TECR: variants seen among roughly 807,000 people sequenced by gnomAD.
TECR encodes very-long-chain enoyl-CoA reductase.
In TECR, 19 loss-of-function variants were observed where a neutral mutation model predicts 50.6. The ratio of observed to expected loss-of-function variants is 0.38; its 90% confidence interval spans 0.26 to 0.55. The LOEUF is 0.55. TECR is among the 20% of genes least tolerant of loss of function. The pLI, the probability that TECR is intolerant of heterozygous loss-of-function variation, is 0.79. For missense variants in TECR, 313 were observed against 408.3 expected (o/e 0.77, Z 2.01); for synonymous variants, 168 against 163.5 (o/e 1.03, Z -0.21).
intron 12 of TECR, 22 bp downstream of exon 12, chr19:14,565,685 G>T (rs750959298): frequency 5.0e-6 from 8 of 1,611,618 alleles, no homozygotes; most frequent in South Asian, 1.1e-5. Flanking sequence ...GCCCTCCCTC[G>T]GCGGGGCCCT....
intron 1 of TECR, among the ~76,000 whole-genome samples, chr19:14,533,504 T>G (rs1399493419): frequency 6.6e-6 from 1 of 152,112 alleles, no homozygotes; most frequent in Non-Finnish European, 1.5e-5. Flanking sequence ...CACTGAAAGG[T>G]TGGCCCCTGG....
At position 14,562,551 on chromosome 19, in the gene TECR, G is replaced by A. The variant is rs1347733646; in HGVS notation, c.42G>A (p.Arg14=). Residue 14 remains arginine, a synonymous_variant, in exon 2 of 13, where the codon AGG becomes AGA. Coordinates refer to ENST00000215567, the MANE Select transcript of TECR (RefSeq NM_138501.6). The part of the protein sequence containing the change: ...YEVEILDAKT[R]EKLCFLDKVE... ...TGGAGATTCTGGACGCAAAGACAAG[G>A]GAGAAGCTGTGTTTCTTGGACAAGG... The A allele has an allele frequency of 6.2e-7, 1 of 1,614,222 alleles. No homozygotes were observed. Among genetic ancestry groups the A allele is most frequent in the African/African-American group, 1.3e-5 (1 of 75,072 alleles).
chr19:14,547,219 A>G (rs1254822534), intron 1 of TECR, among the ~76,000 whole-genome samples: 1 of 152,230 alleles, frequency 6.6e-6, no homozygotes, highest in Non-Finnish European at 1.5e-5. Context: ...GATAGATTTA[A>G]CAGAGTCCTG....
intron 1 of TECR, among the ~76,000 whole-genome samples, chr19:14,549,954 T>TAA (rs201560790): frequency 6.6e-6 from 1 of 150,544 alleles, no homozygotes; most frequent in African/African-American, 2.4e-5. Flanking sequence ...AAAAAAAAAA[T>TAA]AAAAAAAATA....
At position 14,529,599 on chromosome 19, in the gene TECR, G is replaced by C. The variant is rs756014191; in HGVS notation, c.-98G>C. The C allele has an allele frequency of 6.3e-7, 1 of 1,587,062 alleles. No homozygotes were observed. Among genetic ancestry groups the C allele is most frequent in the East Asian group, 2.2e-5 (1 of 44,738 alleles). On this transcript the variant is annotated 5_prime_UTR_variant, in exon 1 of 13. Coordinates refer to ENST00000215567, the MANE Select transcript of TECR (RefSeq NM_138501.6). ...CGGGGCGGACGCAGAGCCGCGTTTAGTCTATCGCTGCGGTTGCGAGCGCTG... is the reference window on the plus strand; with the variant it reads ...CGGGGCGGACGCAGAGCCGCGTTTACTCTATCGCTGCGGTTGCGAGCGCTG...
intron 1 of TECR, among the ~76,000 whole-genome samples, chr19:14,544,712 C>T (rs1208559290): frequency 6.6e-6 from 1 of 151,126 alleles, no homozygotes; most frequent in Non-Finnish European, 1.5e-5. Context: ...CGGCTCCCTG[C>T]AACTCCAACT....
At chr19:14,552,598 A>G (rs997089794) in intron 1 of TECR, among the ~76,000 whole-genome samples, 2 of 151,378 alleles carry the variant, frequency 1.3e-5, no homozygotes, top group African/African-American at 4.9e-5. Context: ...CAGTGGCGCA[A>G]TCTCTGGCTC....
Position 14,530,079 on chromosome 19 carries a change from C to T in TECR, c.15+368C>T, listed in dbSNP as rs191492134. ...CCGAGGGAGTCTTGCACAAATCTTG[C>T]GCCACGCCGCCGTCACCAGCGTAGG... On this transcript the variant is annotated intron_variant, in intron 1 of 12. Transcript: ENST00000215567. 52 of 363,716 alleles carry T rather than the reference C, an allele frequency of 1.4e-4. 1 individual carries two copies. The East Asian group carries it at 1.5e-3, about 11-fold the overall frequency. The allele number at this position is 363,716 out of a possible 1,614,324, so 22.5% of individuals were successfully genotyped here.
Position 14,565,114 on chromosome 19 carries a change from C to A in TECR, c.655C>A (p.Arg219=). Residue 219 remains arginine (R), a synonymous_variant, in exon 10 of 13, where the codon CGG becomes AGG. Transcript: ENST00000215567. ...FSIHMALRDL[R]PAGSKTRKIP... is the part of the protein sequence containing the mutation. ...CATCCACATGGCCCTGCGGGACCTG[C>A]GGCCCGCTGGTGAGTGCCTGCTGGG... is the stretch of plus-strand genomic sequence containing the variant. The A allele has an allele frequency of 6.2e-7, 1 of 1,613,788 alleles. No individual in the cohort carries two copies. Among genetic ancestry groups the A allele is most frequent in the Non-Finnish European group, 8.5e-7 (1 of 1,180,030 alleles).
chr19:14,547,905 G>A (rs1386838541), intron 1 of TECR, among the ~76,000 whole-genome samples: 1 of 150,336 alleles, frequency 6.7e-6, no homozygotes, highest in East Asian at 2.0e-4. Context: ...TGGACTCTGG[G>A]CCTCGAGGGA....
chr19:14,564,831 A>G lies in TECR; in HGVS notation c.535A>G (p.Ile179Val). ...WGFAAWMAYY[I>V]NHPLYTPPTY... ...CTTCGCCGCGTGGATGGCCTATTACATCAATCACCCTCTCTACACTCCCCC... is the reference window on the plus strand; with the variant it reads ...CTTCGCCGCGTGGATGGCCTATTACGTCAATCACCCTCTCTACACTCCCCC... The change falls in exon 8 of 13, where the codon ATC becomes GTC. Residue 179 changes from isoleucine to valine, a missense_variant. Coordinates refer to ENST00000215567, the MANE Select transcript of TECR (RefSeq NM_138501.6). 1 of 1,613,548 alleles carries G rather than the reference A, an allele frequency of 6.2e-7. No individual in the cohort carries two copies.
At chr19:14,564,883 C>T (rs1054616955) in intron 8 of TECR, 25 bp downstream of exon 8, 4 of 1,614,040 alleles carry the variant, frequency 2.5e-6, no homozygotes, top group Non-Finnish European at 2.5e-6. Flanking sequence ...ACCATCCTTC[C>T]CTCCCCCACG....
At chr19:14,555,450 T>TC (rs2073688912) in intron 1 of TECR, among the ~76,000 whole-genome samples, 1 of 138,054 alleles carries the variant, frequency 7.2e-6, no homozygotes, top group African/African-American at 2.7e-5. Flanking sequence ...TTTTTTTTTT[T>TC]TTTTTTTTTT....
At chr19:14,564,604 C>A in intron 7 of TECR, 182 bp from the exon 8 acceptor site, 1 of 646,276 alleles carries the variant, frequency 1.5e-6, no homozygotes. Flanking sequence ...TCCTGTCCAC[C>A]ACGCCCTCAC....
rs753690636 is a variant in TECR at position 14,563,898 on chromosome 19, G to T, written c.262G>T (p.Val88Leu). ...GGACCTGGGGGCCCAGATCAGCTGG[G>T]TGACGGTGAGTCCTGACCCTACCCA... ...FRDLGAQISW[V>L]TVFLTEYAGP... The change falls in exon 5 of 13, where the codon GTG (valine) becomes TTG (leucine). Residue 88 changes from valine (V) to leucine (L), a missense_variant. Physicochemically the swap from Val to Leu is conservative, Grantham distance 32. Transcript: ENST00000215567. The surrounding 1 kb of genome is among the most constrained non-coding windows in gnomAD (Gnocchi z 5.3). The T allele has an allele frequency of 1.2e-5, 19 of 1,614,058 alleles. No individual in the cohort carries two copies. In the Admixed American group the frequency reaches 3.2e-4, roughly 27 times the overall value.
At chr19:14,538,527 C>CT (rs1476269303) in intron 1 of TECR, among the ~76,000 whole-genome samples, 1 of 98,056 alleles carries the variant, frequency 1.0e-5, no homozygotes, top group Admixed American at 1.1e-4. Flanking sequence ...CCTCAAAACT[C>CT]TTTTTTTTCT....
At chr19:14,549,888 A>C (rs1472686021) in intron 1 of TECR, among the ~76,000 whole-genome samples, 1 of 151,804 alleles carries the variant, frequency 6.6e-6, no homozygotes, top group Non-Finnish European at 1.5e-5. Flanking sequence ...GGTTGCAGTG[A>C]GCCGAGATTG....
intron 1 of TECR, 33 bp downstream of exon 1, chr19:14,529,744 C>T: frequency 1.2e-6 from 2 of 1,613,954 alleles, no homozygotes; most frequent in Non-Finnish European, 1.7e-6. Flanking sequence ...CGTGTGGCCA[C>T]TGCTGACCCA....
At chr19:14,529,852 GC>G (rs1212630124) in intron 1 of TECR, 141 bp downstream of exon 1, 1 of 1,159,030 alleles carries the variant, frequency 8.6e-7, no homozygotes, top group African/African-American at 1.5e-5. Context: ...CAAGCGTTGC[GC>G]CCCGGGCCAC....
Sources: allele counts gnomAD v4.1 joint callset (sites outside exome capture counted in the v4.1 genomes callset), GRCh38; gene constraint gnomAD v4.1.1; non-coding constraint Gnocchi (gnomAD v3.1); transcripts MANE v1.5; gene names NCBI Gene and HGNC (gene_info 2026-07-23, HGNC 2026-07-21).